Variants in MLLT10 observed in about 807,000 individuals in gnomAD.
MLLT10 encodes protein AF-10.
A neutral mutation model predicts 129.1 loss-of-function variants in MLLT10; 30 were observed. The observed-to-expected ratio is 0.23, with a 90% CI of 0.17 to 0.32. The LOEUF (loss-of-function observed/expected upper bound fraction) is 0.32. MLLT10 is among the 10% of genes least tolerant of loss of function. The pLI, the probability that MLLT10 is intolerant of heterozygous loss-of-function variation, is 1.00. For missense variants in MLLT10, 1,119 were observed against 1,268.3 expected, an observed-to-expected ratio of 0.88 and a Z score of 1.79; for synonymous variants, 490 against 446.4, an observed-to-expected ratio of 1.10 and a Z score of -1.23.
chr10:21,538,928 C>T lies in MLLT10; in HGVS notation c.240+16C>T, dbSNP rs371985192. The T allele has an allele frequency of 6.3e-7, 1 of 1,591,658 alleles. No individual in the cohort carries two copies. The highest frequency in any genetic ancestry group is 1.3e-5 in the African/African-American group (1 of 74,294). ...AGCCAGAGTGGTAAGGACTATTTAT[C>T]AAAAACATTAAACTTTAGTGAGTAG... On this transcript the variant is annotated intron_variant, in intron 3 of 22. Coordinates refer to ENST00000307729, the MANE Select transcript of MLLT10 (RefSeq NM_001195626.3).
At chr10:21,676,055 T>G (rs1046383332) in intron 11 of MLLT10, among the ~76,000 whole-genome samples, 1 of 152,126 alleles carries the variant, frequency 6.6e-6, no homozygotes, top group African/African-American at 2.4e-5. Context: ...AGGGGGAAAT[T>G]CTTGTAAGTA....
intron 3 of MLLT10, among the ~76,000 whole-genome samples, chr10:21,581,272 C>T (rs1022303492): frequency 6.6e-6 from 1 of 151,930 alleles, no homozygotes; most frequent in Non-Finnish European, 1.5e-5. Flanking sequence ...TGGTCTCGAT[C>T]TCCTGACCTC....
Position 21,630,339 on chromosome 10 carries a change from G to C in MLLT10, c.699+13132G>C, listed in dbSNP as rs1184315873. On this transcript the variant is annotated intron_variant, in intron 8 of 22. Transcript: ENST00000307729. ...TAAGGTTCAAGAATAAGTATAGTAA[G>C]AGTGTGAATTAACTGCAAGGTTATG... Among the ~76,000 whole-genome samples, 3 of 152,194 alleles carry C rather than the reference G, an allele frequency of 2.0e-5. No individual in the cohort carries two copies. The East Asian group carries it at 5.8e-4, about 29-fold the overall frequency.
chr10:21,655,874 G>A (rs1455072516), intron 9 of MLLT10, among the ~76,000 whole-genome samples: 1 of 152,094 alleles, frequency 6.6e-6, no homozygotes, highest in African/African-American at 2.4e-5. Flanking sequence ...AAAAGGATGG[G>A]GTACATTGCA....
Position 21,647,017 on chromosome 10 carries a change from G to A in MLLT10, c.700-4656G>A, listed in dbSNP as rs1360111979. Among the ~76,000 whole-genome samples the A allele has an allele frequency of 2.0e-5, 3 of 152,150 alleles. No homozygotes were observed. In the East Asian group the frequency reaches 5.8e-4, roughly 29 times the overall value. Reference sequence around the variant, plus strand: ...ACTACAGGCGCCCGCCACCACGCCCGACTAATCTTTTGTATTTTTAGTAGA... The same window carrying A: ...ACTACAGGCGCCCGCCACCACGCCCAACTAATCTTTTGTATTTTTAGTAGA... On this transcript the variant is annotated intron_variant, in intron 8 of 22. Transcript: ENST00000307729.
At chr10:21,640,298 TAA>T (rs1491453133) in intron 8 of MLLT10, among the ~76,000 whole-genome samples, 1 of 144,088 alleles carries the variant, frequency 6.9e-6, no homozygotes, top group Non-Finnish European at 1.5e-5. Context: ...ATATATTATA[TAA>T]TATATATGTA....
At chr10:21,741,726 C>G (rs1013948753) in intron 22 of MLLT10, among the ~76,000 whole-genome samples, 11 of 152,158 alleles carry the variant, frequency 7.2e-5, no homozygotes, top group Non-Finnish European at 1.3e-4. Flanking sequence ...GGGCCCACCT[C>G]TTTGGTCTTT....
chr10:21,622,547 C>G (rs186148961), intron 8 of MLLT10, among the ~76,000 whole-genome samples: 1 of 152,236 alleles, frequency 6.6e-6, no homozygotes, highest in Non-Finnish European at 1.5e-5. Context: ...TCAATTAAAG[C>G]TGTGCCTATC....
intron 4 of MLLT10, among the ~76,000 whole-genome samples, chr10:21,589,189 T>C (rs945499953): frequency 6.6e-6 from 1 of 152,156 alleles, no homozygotes; most frequent in African/African-American, 2.4e-5. Flanking sequence ...CTGGTCAGTC[T>C]TTGTTTATAT....
intron 9 of MLLT10, among the ~76,000 whole-genome samples, chr10:21,667,086 A>G (rs2050879563): frequency 6.6e-6 from 1 of 152,140 alleles, no homozygotes; most frequent in Admixed American, 6.5e-5. Context: ...AAGATATTTT[A>G]TAATAGCTGC....
intron 3 of MLLT10, among the ~76,000 whole-genome samples, chr10:21,542,212 C>T (rs139342301): frequency 5.7e-4 from 87 of 152,238 alleles, no homozygotes; most frequent in Middle Eastern, 3.4e-3. Context: ...TACGTGCTTC[C>T]ACTCTTTTAT....
intron 8 of MLLT10, among the ~76,000 whole-genome samples, chr10:21,620,550 CTG>C (rs2045708997): frequency 6.6e-6 from 1 of 152,092 alleles, no homozygotes; most frequent in Middle Eastern, 3.2e-3. Flanking sequence ...TGAGGAGCAT[CTG>C]TATTGTATAT....
intron 16 of MLLT10, among the ~76,000 whole-genome samples, chr10:21,729,506 T>C (rs1035095279): frequency 2.0e-5 from 3 of 152,232 alleles, no homozygotes; most frequent in Non-Finnish European, 2.9e-5. Context: ...TGGCCCATAA[T>C]GTTTACATAT....
At chr10:21,588,647 A>G (rs2042223792) in intron 4 of MLLT10, among the ~76,000 whole-genome samples, 1 of 152,130 alleles carries the variant, frequency 6.6e-6, no homozygotes, top group Non-Finnish European at 1.5e-5. Flanking sequence ...TTACCAATAT[A>G]TGAATAAAAA....
intron 21 of MLLT10, 29 bp downstream of exon 21, chr10:21,735,264 T>C (rs773075345): frequency 6.7e-7 from 1 of 1,498,636 alleles, no homozygotes; most frequent in Admixed American, 1.7e-5. Flanking sequence ...TAATATCTTA[T>C]TAGGAGCATG....
At chr10:21,710,811 A>G (rs1253323906) in intron 13 of MLLT10, among the ~76,000 whole-genome samples, 3 of 152,208 alleles carry the variant, frequency 2.0e-5, no homozygotes, top group Non-Finnish European at 4.4e-5. Flanking sequence ...CTGTTTGCTC[A>G]TATGTGAAAT....
In MLLT10 at chr10:21,581,196, C is replaced by T. The variant is rs75980484; in HGVS notation, c.241-5098C>T. On this transcript the variant is annotated intron_variant, in intron 3 of 22. Transcript: ENST00000307729. Reference sequence around the variant, plus strand: ...TAGTAGCTGGGACTACAGGCGCCCACTATCACACCTGGCTTATTTTTTTTG... The same window carrying T: ...TAGTAGCTGGGACTACAGGCGCCCATTATCACACCTGGCTTATTTTTTTTG... 5.7e-3 allele frequency among the ~76,000 whole-genome samples: 871 copies of T among 152,030 alleles called. 11 individuals are homozygous for T. The highest frequency in any genetic ancestry group is 0.02 in the African/African-American group (825 of 41,476).
intron 8 of MLLT10, among the ~76,000 whole-genome samples, chr10:21,628,676 G>C (rs1276311952): frequency 6.6e-6 from 1 of 151,264 alleles, no homozygotes; most frequent in Non-Finnish European, 1.5e-5. Flanking sequence ...CCTGACCTCA[G>C]GTGATCTGCC....
chr10:21,545,105 A>G (rs570471471), intron 3 of MLLT10, among the ~76,000 whole-genome samples: 64 of 152,164 alleles, frequency 4.2e-4, no homozygotes, highest in Non-Finnish European at 8.2e-4. Context: ...AGATCGCGCT[A>G]TTGCACTCCA....
Sources: gnomAD v4.1 joint callset for allele counts (sites outside exome capture counted in the v4.1 genomes callset) on GRCh38, gnomAD v4.1.1 for gene constraint, MANE v1.5 for transcripts, NCBI Gene and HGNC (gene_info 2026-07-23, HGNC 2026-07-21) for gene names.